Variants in DNM3 observed in about 807,000 individuals in gnomAD.
The protein encoded by DNM3 is dynamin-3.
A neutral mutation model predicts 101.6 loss-of-function variants in DNM3; 47 were observed. That is an observed-to-expected ratio of 0.46 (90% CI 0.37 to 0.59). The LOEUF is 0.59. Among genes scored for constraint, DNM3 ranks in the 20% least tolerant of loss-of-function variants. The probability of loss-of-function intolerance (pLI) is 0.00; values close to 1 mark genes in which losing one functional copy is unlikely to be tolerated. For missense variants in DNM3, 849 were observed against 1,085.7 expected (o/e 0.78, Z 3.06); for synonymous variants, 385 against 387.9 (o/e 0.99, Z 0.09).
rs201682899 is a variant in DNM3, at chr1:171,944,854, C to T, written c.235+23033C>T. Among the ~76,000 whole-genome samples, 211 of 37,318 alleles carry T rather than the reference C, an allele frequency of 5.7e-3. 25 individuals carry two copies. The highest frequency in any genetic ancestry group is 9.6e-3 in the Admixed American group (27 of 2,802). 24.5% of individuals were successfully genotyped at this position (37,318 alleles called of 152,430 possible). ...TTTGTTTTCTTTTTTTTTGGTGTTT[C>T]CTTTTTTTTTTTTTTTTTTTTTTTT... On this transcript the variant is annotated intron_variant, in intron 2 of 20. Coordinates refer to ENST00000627582, the MANE Select transcript of DNM3 (RefSeq NM_015569.5).
At chr1:172,025,447 C>T (rs909307453) in intron 4 of DNM3, among the ~76,000 whole-genome samples, 1 of 152,234 alleles carries the variant, frequency 6.6e-6, no homozygotes, top group Admixed American at 6.5e-5. Flanking sequence ...AGCATTCGAG[C>T]TCTGCTAAGG....
intron 2 of DNM3, among the ~76,000 whole-genome samples, chr1:171,970,821 T>C (rs1255966842): frequency 6.6e-6 from 1 of 152,114 alleles, no homozygotes. Context: ...TAAAATTTCT[T>C]CTTTCAGGAT....
At chr1:172,370,709 T>C (rs2068278032) in intron 17 of DNM3, among the ~76,000 whole-genome samples, 1 of 151,974 alleles carries the variant, frequency 6.6e-6, no homozygotes. Flanking sequence ...CAGAGATTAA[T>C]TAACCTGCCC....
chr1:171,989,189 C>G (rs1191459091), intron 4 of DNM3, 41 bp downstream of exon 4: 2 of 1,574,386 alleles, frequency 1.3e-6, no homozygotes, highest in Non-Finnish European at 8.7e-7. Flanking sequence ...ATTAAAGTGT[C>G]AGGAGTTTTG....
At chr1:172,048,875 A>G in intron 10 of DNM3, 125 bp downstream of exon 10, 1 of 1,217,340 alleles carries the variant, frequency 8.2e-7, no homozygotes, top group South Asian at 1.5e-5. Flanking sequence ...GCCTACAGGG[A>G]ATGGTTGTGG....
At chr1:171,946,958 A>C (rs6669142) in intron 2 of DNM3, among the ~76,000 whole-genome samples, 25,157 of 152,144 alleles carry the variant, frequency 0.17, 2,884 homozygotes, top group East Asian at 0.33. Context: ...TATCTGCTTC[A>C]TGACCCAAAC....
At chr1:172,170,245 G>A (rs902984541) in intron 14 of DNM3, among the ~76,000 whole-genome samples, 23 of 152,004 alleles carry the variant, frequency 1.5e-4, no homozygotes, top group African/African-American at 5.5e-4. Flanking sequence ...AAGTGGAGGT[G>A]CCATTAATAT....
chr1:171,860,881 T>C (rs1005860528), intron 1 of DNM3, among the ~76,000 whole-genome samples: 2 of 152,052 alleles, frequency 1.3e-5, no homozygotes, highest in African/African-American at 4.8e-5. Flanking sequence ...TTTCCTGTAG[T>C]GGGAAGACTG....
At chr1:172,019,403 A>G (rs1241584385) in intron 4 of DNM3, among the ~76,000 whole-genome samples, 2 of 143,914 alleles carry the variant, frequency 1.4e-5, no homozygotes, top group Non-Finnish European at 3.0e-5. Context: ...ACTTCTTTCA[A>G]GATTTTTATT....
chr1:172,251,792 G>T (rs887938487), intron 14 of DNM3, among the ~76,000 whole-genome samples: 2 of 152,010 alleles, frequency 1.3e-5, no homozygotes, highest in African/African-American at 4.8e-5. Context: ...TAGTTTAAAA[G>T]AATCCAGCTG....
chr1:172,301,417 A>G (rs2064444599), intron 15 of DNM3, among the ~76,000 whole-genome samples: 1 of 152,040 alleles, frequency 6.6e-6, no homozygotes, highest in South Asian at 2.1e-4. Context: ...TGGAAGGATC[A>G]CTTGAGCCCA....
chr1:171,880,832 C>A (rs529158746), intron 1 of DNM3, among the ~76,000 whole-genome samples: 2 of 151,600 alleles, frequency 1.3e-5, no homozygotes, highest in African/African-American at 4.8e-5. Context: ...GAAAATGATT[C>A]CAAAAAGTTC....
intron 14 of DNM3, among the ~76,000 whole-genome samples, chr1:172,219,407 A>G (rs563523150): frequency 1.3e-5 from 2 of 149,010 alleles, no homozygotes; most frequent in East Asian, 2.0e-4. Context: ...AAAAAAGAAG[A>G]CGCTCTCAAG....
At chr1:172,341,856 G>T (rs1036259165) in intron 17 of DNM3, among the ~76,000 whole-genome samples, 1 of 152,040 alleles carries the variant, frequency 6.6e-6, no homozygotes, top group Non-Finnish European at 1.5e-5. Flanking sequence ...AAAAGCAATT[G>T]CAATAAAACC....
chr1:172,112,922 A>G lies in DNM3; in HGVS notation c.1546-18253A>G, dbSNP rs190807146. Among the ~76,000 whole-genome samples, 5 of 152,360 alleles carry G rather than the reference A, an allele frequency of 3.3e-5. No homozygotes were observed. In the East Asian group the frequency reaches 9.6e-4, roughly 29 times the overall value. ...GTTAGCAACCATTTTTATTATTGCAATTAATAAAGTTGTCCTTTTGAATTC... is the reference window on the plus strand; with the variant it reads ...GTTAGCAACCATTTTTATTATTGCAGTTAATAAAGTTGTCCTTTTGAATTC... On this transcript the variant is annotated intron_variant, in intron 13 of 20. Transcript: ENST00000627582.
chr1:172,242,440 T>C (rs1397338168), intron 14 of DNM3, among the ~76,000 whole-genome samples: 1 of 152,122 alleles, frequency 6.6e-6, no homozygotes, highest in Non-Finnish European at 1.5e-5. Context: ...AACAATTGTC[T>C]TGTGTACTTC....
At chr1:171,853,950 T>C (rs747191566) in intron 1 of DNM3, among the ~76,000 whole-genome samples, 4 of 152,222 alleles carry the variant, frequency 2.6e-5, no homozygotes, top group Non-Finnish European at 4.4e-5. Context: ...CTCATTTTTT[T>C]CATCTTTTCT....
At chr1:172,153,190 A>G (rs2058203014) in intron 14 of DNM3, among the ~76,000 whole-genome samples, 1 of 152,094 alleles carries the variant, frequency 6.6e-6, no homozygotes, top group Non-Finnish European at 1.5e-5. Context: ...AAAGATACCT[A>G]CCTCAGAGGT....
At chr1:172,107,345 G>A (rs1298280943) in intron 13 of DNM3, among the ~76,000 whole-genome samples, 2 of 151,928 alleles carry the variant, frequency 1.3e-5, no homozygotes, top group Non-Finnish European at 2.9e-5. Context: ...GGACTTACAT[G>A]GACATCTTAA....
Sources: gnomAD v4.1 joint callset for allele counts (sites outside exome capture counted in the v4.1 genomes callset) on GRCh38, gnomAD v4.1.1 for gene constraint, MANE v1.5 for transcripts, NCBI Gene and HGNC (gene_info 2026-07-23, HGNC 2026-07-21) for gene names.